The following RAI2 variants were observed in gnomAD, a reference collection of about 807,000 sequenced individuals.
RAI2 encodes retinoic acid-induced protein 2.
In RAI2, 5 loss-of-function variants were observed where a neutral mutation model predicts 15.3. The ratio of observed to expected loss-of-function variants is 0.33; its 90% CI spans 0.17 to 0.69. The LOEUF (loss-of-function observed/expected upper bound fraction) is 0.69, where lower values mean the gene tolerates loss of function less well. Among genes scored for constraint, RAI2 ranks in the 30% least tolerant of loss-of-function variants. The pLI is 0.69. For synonymous variants in RAI2, 191 were observed against 184.0 expected (o/e 1.04, Z -0.31); for missense variants, 424 against 424.7 (o/e 1.00, Z 0.01).
chrX:17,859,657 C>A (rs1391751827), intron 1 of RAI2, among the ~76,000 whole-genome samples: 1 of 112,820 alleles, frequency 8.9e-6, no homozygotes, highest in Non-Finnish European at 1.9e-5. Flanking sequence ...CTTAAAAACG[C>A]CAGATGAGGG....
intron 1 of RAI2, among the ~76,000 whole-genome samples, chrX:17,855,015 TGTGATGTGATGATACCATA>T (rs1446940050): frequency 1.3e-4 from 15 of 111,523 alleles, no homozygotes; most frequent in African/African-American, 3.3e-4. Context: ...CCAGAAATGA[TGTGATGTGATGATACCATA>T]GTGCCAGCCA....
At chrX:17,821,764 C>T (rs1487064160) in intron 1 of RAI2, among the ~76,000 whole-genome samples, 1 of 111,470 alleles carries the variant, frequency 9.0e-6, no homozygotes, top group Non-Finnish European at 1.9e-5. Flanking sequence ...TTGGCCTAGG[C>T]CACGCATCTA....
In RAI2 at chrX:17,800,845, G is replaced by A; in HGVS notation, c.1166C>T (p.Ala389Val). 8.3e-7 allele frequency: 1 copy of A among 1,211,600 alleles called. No individual in the cohort carries two copies. Among genetic ancestry groups the A allele is most frequent in the Non-Finnish European group, 1.1e-6 (1 of 895,427 alleles). Residue 389 changes from alanine to valine, a missense_variant, in exon 2 of 2, where the codon GCC (alanine) becomes GTC (valine). By Grantham distance (64) the Ala-to-Val change is moderately conservative. Coordinates refer to ENST00000451717, the MANE Select transcript of RAI2 (RefSeq NM_021785.6). ...CATGGCTGGGGCCTCATGGGACGTG[G>A]CAGGGGCAAAAGAAATTTCCATGCC... ...PSGMEISFAP[A>V]TSHEAPAMMD...
In RAI2 at chrX:17,801,723, C is replaced by T. The variant is rs1220222385; in HGVS notation, c.288G>A (p.Val96=). The part of the protein sequence containing the change: ...SPVVMPIHMQ[V]EGSSAPELNP... ...TGAGCTCTGGTGCGGAGCTTCCCTC[C>T]ACCTGCATGTGAATGGGCATCACCA... The change falls in exon 2 of 2, where the codon GTG becomes GTA. Residue 96 remains valine, a synonymous_variant. Coordinates refer to ENST00000451717, the MANE Select transcript of RAI2 (RefSeq NM_021785.6). The T allele has an allele frequency of 8.3e-7, 1 of 1,210,205 alleles. No homozygotes were observed. The highest frequency in any genetic ancestry group is 3.0e-5 in the East Asian group (1 of 33,731).
In RAI2 at chrX:17,811,429, T is replaced by G. The variant is rs777963985; in HGVS notation, c.-24-9395A>C. 4.1e-3 allele frequency among the ~76,000 whole-genome samples: 464 copies of G among 112,547 alleles called. 1 individual carries two copies. The highest frequency in any genetic ancestry group is 0.014 in the African/African-American group (425 of 30,999). ...GGTCTTGGGCCAAGGTCTATCATCTTAAAGAGCTACGGTTTTTGGACATTT... is the reference window on the plus strand; with the variant it reads ...GGTCTTGGGCCAAGGTCTATCATCTGAAAGAGCTACGGTTTTTGGACATTT... On this transcript the variant is annotated intron_variant, in intron 1 of 1. Transcript: ENST00000451717.
intron 1 of RAI2, among the ~76,000 whole-genome samples, chrX:17,841,969 T>G (rs1164866735): frequency 8.9e-6 from 1 of 112,158 alleles, no homozygotes; most frequent in East Asian, 2.8e-4. Flanking sequence ...CCCCAAGGGC[T>G]CTTTATTTAT....
chrX:17,819,544 T>C (rs1025754272), intron 1 of RAI2, among the ~76,000 whole-genome samples: 1 of 112,550 alleles, frequency 8.9e-6, no homozygotes, highest in African/African-American at 3.2e-5. Flanking sequence ...CAGATGTTCA[T>C]TGCAGTCCTA....
Position 17,800,570 on chromosome X carries a change from T to G in RAI2, c.1441A>C (p.Asn481His). The stretch of plus-strand genomic sequence containing the variant: ...CCCATGGACTCTTCCCCTTGGCTGT[T>G]GATGTCATAGCCCTGAAGCACGGAG... ...EDSVLQGYDI[N>H]SQGEESMGNA... The change falls in exon 2 of 2, where the codon AAC (asparagine) becomes CAC (histidine). Residue 481 changes from asparagine (N) to histidine (H), a missense_variant. Coordinates refer to ENST00000451717, the MANE Select transcript of RAI2 (RefSeq NM_021785.6). 8.3e-7 allele frequency: 1 copy of G among 1,211,251 alleles called. No homozygotes were observed. The highest frequency in any genetic ancestry group is 1.1e-6 in the Non-Finnish European group (1 of 894,992).
intron 1 of RAI2, among the ~76,000 whole-genome samples, chrX:17,821,115 G>A (rs2067160274): frequency 8.9e-6 from 1 of 111,806 alleles, no homozygotes; most frequent in South Asian, 3.8e-4. Flanking sequence ...GAAGTGTACC[G>A]AATTTGCATA....
chrX:17,811,778 C>A (rs767995115), intron 1 of RAI2, among the ~76,000 whole-genome samples: 12 of 111,676 alleles, frequency 1.1e-4, no homozygotes, highest in African/African-American at 3.9e-4. Context: ...TCACCCTGGG[C>A]CCTGGGCCCC....
intron 1 of RAI2, among the ~76,000 whole-genome samples, chrX:17,835,598 G>C (rs749587361): frequency 9.0e-6 from 1 of 111,457 alleles, no homozygotes; most frequent in Admixed American, 9.5e-5. Flanking sequence ...GATCACCCCA[G>C]CCCCACTGAG....
chrX:17,834,248 A>G (rs1306565935), intron 1 of RAI2, among the ~76,000 whole-genome samples: 1 of 111,348 alleles, frequency 9.0e-6, no homozygotes, highest in Non-Finnish European at 1.9e-5. Context: ...GTATCATTTT[A>G]TGGTGATTTA....
At chrX:17,803,966 T>C (rs2066950001) in intron 1 of RAI2, among the ~76,000 whole-genome samples, 1 of 107,027 alleles carries the variant, frequency 9.3e-6, no homozygotes, top group Non-Finnish European at 1.9e-5. Flanking sequence ...TCTTCTTTCT[T>C]TTTTTTTTTG....
At chrX:17,857,934 T>C (rs1271164340) in intron 1 of RAI2, among the ~76,000 whole-genome samples, 2 of 111,194 alleles carry the variant, frequency 1.8e-5, no homozygotes, top group African/African-American at 6.5e-5. Flanking sequence ...TTCCCCCCAA[T>C]CCCCACCAAC....
chrX:17,840,752 A>T (rs28636675), intron 1 of RAI2, among the ~76,000 whole-genome samples: 1,971 of 111,978 alleles, frequency 0.018, 41 homozygotes, highest in African/African-American at 0.059. Context: ...CATCCCAGAC[A>T]GCCAGTGGAT....
intron 1 of RAI2, among the ~76,000 whole-genome samples, chrX:17,805,365 T>C (rs932749535): frequency 8.8e-6 from 1 of 113,002 alleles, no homozygotes; most frequent in African/African-American, 3.2e-5. Context: ...AGGGGCCTCG[T>C]CTGTCCCTCT....
At chrX:17,815,354 C>T (rs1406290175) in intron 1 of RAI2, among the ~76,000 whole-genome samples, 1 of 104,994 alleles carries the variant, frequency 9.5e-6, no homozygotes, top group Non-Finnish European at 2.0e-5. Context: ...CACACACACA[C>T]ACACACACAG....
chrX:17,811,238 G>C (rs929020253), intron 1 of RAI2, among the ~76,000 whole-genome samples: 5 of 112,462 alleles, frequency 4.4e-5, no homozygotes, highest in Non-Finnish European at 9.4e-5. Flanking sequence ...AGCTGCTGGT[G>C]GTGGTAGGGA....
At chrX:17,837,849 A>G (rs2067352607) in intron 1 of RAI2, 1 of 112,481 alleles carries the variant, frequency 8.9e-6, no homozygotes, top group Non-Finnish European at 1.9e-5. Context: ...ACAGATCTAC[A>G]TATGGACACA....
Sources: gnomAD v4.1 joint callset for allele counts (sites outside exome capture counted in the v4.1 genomes callset) on GRCh38, gnomAD v4.1.1 for gene constraint, MANE v1.5 for transcripts, NCBI Gene and HGNC (gene_info 2026-07-23, HGNC 2026-07-21) for gene names.